Variants in CTNNA3 observed in about 807,000 individuals in gnomAD.
The protein encoded by CTNNA3 is catenin alpha-3.
Under a neutral mutation model 95.7 loss-of-function variants are expected in CTNNA3, and 76 were observed. The observed-to-expected ratio is 0.79, with a 90% CI of 0.66 to 0.96. The LOEUF (loss-of-function observed/expected upper bound fraction) is 0.96. CTNNA3 is among the 40% of genes least tolerant of loss of function. CTNNA3 has a pLI of 0.00. For missense variants in CTNNA3, 1,191 were observed against 1,089.8 expected (o/e 1.09, Z -1.31); for synonymous variants, 431 against 374.4 (o/e 1.15, Z -1.74).
intron 7 of CTNNA3, among the ~76,000 whole-genome samples, chr10:67,074,419 C>T (rs1196017348): frequency 7.3e-6 from 1 of 136,142 alleles, no homozygotes; most frequent in Non-Finnish European, 1.5e-5. Context: ...GGCACGATCT[C>T]GGCTCACTGC....
intron 7 of CTNNA3, among the ~76,000 whole-genome samples, chr10:66,830,612 T>G (rs901203770): frequency 4.0e-5 from 6 of 151,798 alleles, no homozygotes; most frequent in African/African-American, 9.7e-5. Context: ...TCTTTTTTTT[T>G]TTGTTTTTCC....
intron 5 of CTNNA3, among the ~76,000 whole-genome samples, chr10:67,243,298 A>C (rs1239428636): frequency 6.6e-6 from 1 of 152,116 alleles, no homozygotes; most frequent in Admixed American, 6.6e-5. Flanking sequence ...GGTAAGGTCT[A>C]TTATTACACT....
intron 5 of CTNNA3, among the ~76,000 whole-genome samples, chr10:67,434,347 C>A (rs992335370): frequency 2.6e-5 from 4 of 151,928 alleles, no homozygotes; most frequent in Non-Finnish European, 4.4e-5. Flanking sequence ...GGTCCATAAG[C>A]CCCTATCACA....
At chr10:67,396,606 CA>C (rs1329884225) in intron 5 of CTNNA3, among the ~76,000 whole-genome samples, 3 of 152,012 alleles carry the variant, frequency 2.0e-5, no homozygotes, top group Non-Finnish European at 4.4e-5. Context: ...AAACAATTAA[CA>C]AACATTTTGT....
intron 1 of CTNNA3, among the ~76,000 whole-genome samples, chr10:67,656,095 C>T (rs1160178653): frequency 6.6e-6 from 1 of 152,158 alleles, no homozygotes; most frequent in East Asian, 1.9e-4. Flanking sequence ...TTTCTATACA[C>T]ACTGGTTTTC....
intron 17 of CTNNA3, among the ~76,000 whole-genome samples, chr10:65,942,283 A>C (rs1248714412): frequency 6.6e-6 from 1 of 152,144 alleles, no homozygotes; most frequent in Non-Finnish European, 1.5e-5. Flanking sequence ...AGAAGGAAGC[A>C]TCCAGGAGGC....
chr10:65,980,088 C>G (rs566840631), intron 16 of CTNNA3, among the ~76,000 whole-genome samples: 8 of 151,618 alleles, frequency 5.3e-5, no homozygotes, highest in African/African-American at 1.9e-4. Flanking sequence ...GTGAGATTAA[C>G]GAAGAAAAGA....
intron 2 of CTNNA3, among the ~76,000 whole-genome samples, chr10:67,640,841 T>C (rs1205206572): frequency 3.9e-5 from 6 of 152,144 alleles, no homozygotes; most frequent in African/African-American, 7.2e-5. Context: ...TTACACCTTA[T>C]ACAAAAATTA....
intron 1 of CTNNA3, among the ~76,000 whole-genome samples, chr10:67,685,706 T>C (rs2133577368): frequency 6.6e-6 from 1 of 152,374 alleles, no homozygotes; most frequent in East Asian, 1.9e-4. Flanking sequence ...GTTTTTAATT[T>C]ACCCTGGCTT....
At chr10:67,096,012 A>C (rs1857969287) in intron 7 of CTNNA3, among the ~76,000 whole-genome samples, 1 of 151,724 alleles carries the variant, frequency 6.6e-6, no homozygotes, top group Non-Finnish European at 1.5e-5. Flanking sequence ...AAAGTATGTG[A>C]TATCTTTCAT....
At chr10:66,595,711 A>G (rs1041060010) in intron 10 of CTNNA3, among the ~76,000 whole-genome samples, 1 of 152,066 alleles carries the variant, frequency 6.6e-6, no homozygotes, top group African/African-American at 2.4e-5. Flanking sequence ...ATCATGTGTC[A>G]CTGCAGCCTC....
intron 9 of CTNNA3, among the ~76,000 whole-genome samples, chr10:66,637,983 T>A (rs1845392813): frequency 6.6e-6 from 1 of 152,090 alleles, no homozygotes; most frequent in Admixed American, 6.6e-5. Flanking sequence ...GATTATGCTG[T>A]TTGTCCAGGC....
intron 10 of CTNNA3, among the ~76,000 whole-genome samples, chr10:66,616,461 G>C (rs1844517669): frequency 6.6e-6 from 1 of 152,072 alleles, no homozygotes; most frequent in Non-Finnish European, 1.5e-5. Flanking sequence ...TAATGAGAGT[G>C]ATTGTGTTCC....
chr10:66,155,002 T>C (rs1000473118), intron 13 of CTNNA3, among the ~76,000 whole-genome samples: 2 of 151,546 alleles, frequency 1.3e-5, no homozygotes, highest in East Asian at 3.9e-4. Flanking sequence ...ACAACTCAAC[T>C]TTACCATTGT....
intron 15 of CTNNA3, among the ~76,000 whole-genome samples, chr10:65,998,737 T>A (rs181069837): frequency 5.7e-4 from 87 of 152,266 alleles, no homozygotes; most frequent in African/African-American, 2.1e-3. Flanking sequence ...GAACTGACCT[T>A]GAGAATAGAC....
chr10:67,303,432 C>G (rs1478656271), intron 5 of CTNNA3, among the ~76,000 whole-genome samples: 1 of 152,224 alleles, frequency 6.6e-6, no homozygotes, highest in Non-Finnish European at 1.5e-5. Context: ...ACATTACAGC[C>G]TTCCAGGCTG....
intron 10 of CTNNA3, among the ~76,000 whole-genome samples, chr10:66,537,321 A>G (rs941369589): frequency 1.3e-5 from 2 of 152,276 alleles, no homozygotes; most frequent in East Asian, 3.9e-4. Flanking sequence ...GTCAGAGGGC[A>G]TAGAGTTCAC....
At chr10:66,313,859 A>AT (rs1234914278) in intron 12 of CTNNA3, among the ~76,000 whole-genome samples, 1 of 152,186 alleles carries the variant, frequency 6.6e-6, no homozygotes, top group Non-Finnish European at 1.5e-5. Flanking sequence ...AGCTACAAGA[A>AT]GGCAAATGGG....
chr10:66,191,245 T>G (rs2086651855), intron 13 of CTNNA3, among the ~76,000 whole-genome samples: 1 of 152,266 alleles, frequency 6.6e-6, no homozygotes, highest in Non-Finnish European at 1.5e-5. Context: ...TCTTGGCTTC[T>G]TAACACTTTG....
Sources: gnomAD v4.1 joint callset for allele counts (sites outside exome capture counted in the v4.1 genomes callset) on GRCh38, gnomAD v4.1.1 for gene constraint, MANE v1.5 for transcripts, NCBI Gene and HGNC (gene_info 2026-07-23, HGNC 2026-07-21) for gene names.